The following ST7 variants were observed in gnomAD, a reference collection of about 807,000 sequenced individuals.
ST7 encodes the protein suppression of tumorigenicity 7, also known as suppressor of tumorigenicity 7 protein.
Under a neutral mutation model 78.7 loss-of-function variants are expected in ST7, and 28 were observed. The ratio of observed to expected loss-of-function variants is 0.36; its 90% CI spans 0.26 to 0.49. ST7 has a LOEUF of 0.49. ST7 is among the 20% of genes least tolerant of loss of function. The probability of loss-of-function intolerance (pLI) is 0.99; values close to 1 mark genes in which losing one functional copy is unlikely to be tolerated. For synonymous variants in ST7, 247 were observed against 249.6 expected (o/e 0.99, Z 0.10); for missense variants, 418 against 696.0 (o/e 0.60, Z 4.49).
At chr7:116,981,226 G>A (rs1291717451) in intron 1 of ST7, among the ~76,000 whole-genome samples, 1 of 151,910 alleles carries the variant, frequency 6.6e-6, no homozygotes, top group East Asian at 1.9e-4. Flanking sequence ...CTCCCCCTCA[G>A]CTTCCCAAGT....
intron 1 of ST7, among the ~76,000 whole-genome samples, chr7:117,028,683 GTAT>G (rs1436267199): frequency 6.6e-6 from 1 of 152,174 alleles, no homozygotes; most frequent in Non-Finnish European, 1.5e-5. Flanking sequence ...AAACAATTAT[GTAT>G]TATTATCTTT....
intron 1 of ST7, among the ~76,000 whole-genome samples, chr7:116,969,883 C>T (rs1793323811): frequency 6.6e-6 from 1 of 152,126 alleles, no homozygotes; most frequent in African/African-American, 2.4e-5. Flanking sequence ...TGAGACTAGC[C>T]TGACCAACAT....
At chr7:117,218,169 C>T (rs1204782085) in intron 13 of ST7, among the ~76,000 whole-genome samples, 1 of 152,192 alleles carries the variant, frequency 6.6e-6, no homozygotes, top group Non-Finnish European at 1.5e-5. Context: ...ATGTTGCCCC[C>T]ATCCCTCACT....
intron 1 of ST7, chr7:116,972,154 G>GA: frequency 1.8e-6 from 1 of 555,982 alleles, no homozygotes; most frequent in Non-Finnish European, 3.5e-6. Context: ...AGCAGGGTGG[G>GA]ACTGGGCTTT....
chr7:117,098,746 C>G (rs1487911686), intron 1 of ST7: 102 of 1,292,246 alleles, frequency 7.9e-5, no homozygotes, highest in Non-Finnish European at 1.0e-4. Flanking sequence ...CTTCTAAAAC[C>G]AGACTGGATG....
chr7:117,149,514 G>T lies in ST7; in HGVS notation c.963+10982G>T, dbSNP rs142783914. 3.6e-4 allele frequency among the ~76,000 whole-genome samples: 55 copies of T among 150,758 alleles called. No homozygotes were observed. In the East Asian group the frequency reaches 9.4e-3, roughly 26 times the overall value. On this transcript the variant is annotated intron_variant, in intron 9 of 15. Transcript: ENST00000323984. ...TGATGGGCTCCTCTGGCATTTAGGT[G>T]TGTAGAGGTATTCTCACCCTCCAAT... is the stretch of plus-strand genomic sequence containing the variant.
chr7:117,200,104 G>A (rs992145039), intron 12 of ST7, among the ~76,000 whole-genome samples: 3 of 152,146 alleles, frequency 2.0e-5, no homozygotes, highest in African/African-American at 7.2e-5. Flanking sequence ...TGGCCAGCTT[G>A]TGCTTAAACC....
chr7:117,221,298 A>G (rs753883676), intron 14 of ST7, among the ~76,000 whole-genome samples: 4 of 152,224 alleles, frequency 2.6e-5, no homozygotes, highest in Non-Finnish European at 4.4e-5. Context: ...GTCTCTTACA[A>G]TTGTGCCAGA....
chr7:117,037,014 A>G (rs1460477385), intron 1 of ST7, among the ~76,000 whole-genome samples: 1 of 152,140 alleles, frequency 6.6e-6, no homozygotes, highest in Non-Finnish European at 1.5e-5. Context: ...CACAGGTTGG[A>G]CCCAGCATTG....
At chr7:117,152,883 G>C (rs190383134) in intron 9 of ST7, among the ~76,000 whole-genome samples, 3 of 152,296 alleles carry the variant, frequency 2.0e-5, no homozygotes, top group Non-Finnish European at 2.9e-5. Flanking sequence ...GTCTCAGAGA[G>C]AGAGAGAGGG....
At chr7:117,082,104 C>T (rs535922249) in intron 1 of ST7, among the ~76,000 whole-genome samples, 13 of 152,300 alleles carry the variant, frequency 8.5e-5, no homozygotes, top group Admixed American at 7.8e-4. Context: ...GAACCAGGCC[C>T]ACCCAGATTA....
intron 5 of ST7, 185 bp downstream of exon 5, chr7:117,130,791 G>A (rs1356320063): frequency 6.5e-6 from 3 of 462,220 alleles, no homozygotes; most frequent in Non-Finnish European, 1.1e-5. Context: ...TATTTATGTT[G>A]AAATGAGTCC....
intron 9 of ST7, among the ~76,000 whole-genome samples, chr7:117,138,829 T>C (rs912783750): frequency 1.3e-5 from 2 of 152,192 alleles, no homozygotes; most frequent in African/African-American, 2.4e-5. Flanking sequence ...AAGCTTCTAA[T>C]AGAGTGGCTG....
intron 1 of ST7, chr7:116,972,794 AC>A: frequency 1.0e-6 from 1 of 953,472 alleles, no homozygotes; most frequent in Non-Finnish European, 1.7e-6. Context: ...TCCTGGGAAC[AC>A]CTTTCTCCCT....
chr7:117,159,767 C>T (rs1010604809), intron 9 of ST7, among the ~76,000 whole-genome samples: 2 of 152,150 alleles, frequency 1.3e-5, no homozygotes, highest in African/African-American at 4.8e-5. Context: ...GTGACACACA[C>T]CTGTAGTCCC....
intron 12 of ST7, among the ~76,000 whole-genome samples, chr7:117,195,169 A>G (rs17139448): frequency 0.035 from 5,393 of 151,988 alleles, 317 homozygotes; most frequent in African/African-American, 0.12. Context: ...AAAAATTAGC[A>G]TAGGGCTCTT....
intron 9 of ST7, among the ~76,000 whole-genome samples, chr7:117,152,915 A>G (rs1376597892): frequency 1.3e-5 from 2 of 152,138 alleles, no homozygotes; most frequent in East Asian, 1.9e-4. Context: ...CCTGTCTTGT[A>G]TAGTTTCCTG....
rs577531914 is a variant in ST7 at position 117,123,942 on chromosome 7, T to C, written c.394+4222T>C. Reference sequence around the variant, plus strand: ...TTGGATCTTTAAACAAACTGGATAGTCACTTGGCTTCCTGTCACGAATCAT... The same window carrying C: ...TTGGATCTTTAAACAAACTGGATAGCCACTTGGCTTCCTGTCACGAATCAT... On this transcript the variant is annotated intron_variant, in intron 3 of 15. Coordinates refer to ENST00000323984, the MANE Select transcript of ST7 (RefSeq NM_001369598.1). 9.5e-4 allele frequency among the ~76,000 whole-genome samples: 145 copies of C among 152,280 alleles called. 1 individual carries two copies. Among genetic ancestry groups the C allele is most frequent in the African/African-American group, 3.3e-3 (137 of 41,572 alleles).
intron 15 of ST7, among the ~76,000 whole-genome samples, chr7:117,224,903 G>C (rs1325587011): frequency 6.6e-6 from 1 of 152,216 alleles, no homozygotes; most frequent in African/African-American, 2.4e-5. Flanking sequence ...TCAGGAATCA[G>C]TGGTTTCCCT....
Sources: allele counts gnomAD v4.1 joint callset (sites outside exome capture counted in the v4.1 genomes callset), GRCh38; gene constraint gnomAD v4.1.1; transcripts MANE v1.5; gene names NCBI Gene and HGNC (gene_info 2026-07-23, HGNC 2026-07-21).